Variants in DRC9 observed in about 807,000 individuals in gnomAD.
The protein encoded by DRC9 is dynein regulatory complex protein 9.
At chr3:197,950,224 G>A in the DRC9 span, 1 of 1,231,304 alleles carries the variant, frequency 8.1e-7, no homozygotes, top group Non-Finnish European at 1.0e-6. Flanking sequence ...CTGTGGAGGT[G>A]AGTGAAGGGT....
chr3:197,892,912 T>C, the DRC9 span, among the ~76,000 whole-genome samples: 1 of 152,114 alleles, frequency 6.6e-6, no homozygotes, highest in Middle Eastern at 3.2e-3. Context: ...AGAGTTGGAT[T>C]TCTGATTGGG....
chr3:197,943,994 C>T, the DRC9 span: 2 of 1,614,128 alleles, frequency 1.2e-6, no homozygotes, highest in African/African-American at 2.7e-5. Context: ...CTGTCACTGA[C>T]ACCGTCATCT....
the DRC9 span, chr3:197,938,597 T>C: frequency 6.2e-7 from 1 of 1,614,208 alleles, no homozygotes; most frequent in Middle Eastern, 1.6e-4. Context: ...ATGGTCTGCC[T>C]TGTAGGTTTT....
chr3:197,936,909 G>A, the DRC9 span, among the ~76,000 whole-genome samples: 1 of 152,138 alleles, frequency 6.6e-6, no homozygotes, highest in Non-Finnish European at 1.5e-5. Flanking sequence ...TGCAGATCTG[G>A]GCCAGGCTGA....
chr3:197,909,075 G>A, the DRC9 span, among the ~76,000 whole-genome samples: 9 of 152,206 alleles, frequency 5.9e-5, no homozygotes, highest in Non-Finnish European at 1.0e-4. Context: ...AGTTTCATCC[G>A]AATCTGAGCA....
the DRC9 span, chr3:197,950,201 G>T: frequency 8.1e-7 from 1 of 1,231,476 alleles, no homozygotes; most frequent in Non-Finnish European, 1.0e-6. Context: ...TTCTCTTACC[G>T]CCATCTTGGC....
At chr3:197,952,164 T>TG in the DRC9 span, among the ~76,000 whole-genome samples, 89 of 74,180 alleles carry the variant, frequency 1.2e-3, no homozygotes, top group East Asian at 0.018. Flanking sequence ...AATTATGGGT[T>TG]TTTTTTTTTT....
the DRC9 span, among the ~76,000 whole-genome samples, chr3:197,949,135 A>G: frequency 2.6e-5 from 4 of 152,030 alleles, no homozygotes; most frequent in African/African-American, 4.8e-5. Flanking sequence ...CGTGTCATCT[A>G]TTTTTACTTG....
At chr3:197,927,740 C>T in the DRC9 span, among the ~76,000 whole-genome samples, 1 of 152,062 alleles carries the variant, frequency 6.6e-6, no homozygotes, top group African/African-American at 2.4e-5. Flanking sequence ...TAAAAGTGCC[C>T]ATTTTACACA....
the DRC9 span, among the ~76,000 whole-genome samples, chr3:197,893,610 G>A: frequency 0.025 from 3,850 of 151,742 alleles, 77 homozygotes; most frequent in Non-Finnish European, 0.036. Flanking sequence ...TTGGGAGGCC[G>A]AGGTGGGCAG....
At chr3:197,941,339 C>A in the DRC9 span, among the ~76,000 whole-genome samples, 1 of 87,148 alleles carries the variant, frequency 1.1e-5, no homozygotes, top group African/African-American at 9.5e-5. Context: ...TCTCTCTCTC[C>A]CCTCTGTCTC....
chr3:197,944,168 G>C, the DRC9 span: 1 of 857,352 alleles, frequency 1.2e-6, no homozygotes, highest in Non-Finnish European at 1.8e-6. Flanking sequence ...TCGTATAATA[G>C]AACCTAGATG....
the DRC9 span, among the ~76,000 whole-genome samples, chr3:197,942,117 T>C: frequency 1.3e-5 from 2 of 152,040 alleles, no homozygotes; most frequent in Non-Finnish European, 2.9e-5. Flanking sequence ...AAAACTCCAT[T>C]ACAACTTACA....
At chr3:197,946,617 T>TAAATTTGTCCACAATAAAC in the DRC9 span, among the ~76,000 whole-genome samples, 1 of 151,824 alleles carries the variant, frequency 6.6e-6, no homozygotes, top group African/African-American at 2.4e-5. Context: ...GAGTTTCCAA[T>TAAATTTGTCCACAATAAAC]GTAAATTTGT....
the DRC9 span, chr3:197,950,204 A>C: frequency 1.6e-6 from 2 of 1,231,462 alleles, no homozygotes; most frequent in Non-Finnish European, 2.0e-6. Flanking sequence ...TCTTACCGCC[A>C]TCTTGGCTCC....
the DRC9 span, chr3:197,954,483 G>A: frequency 3.2e-4 from 120 of 372,608 alleles, 1 homozygote; most frequent in African/African-American, 2.1e-3. Context: ...ATAGGCGTGT[G>A]CCACCACACC....
At chr3:197,898,566 C>T in the DRC9 span, among the ~76,000 whole-genome samples, 15 of 152,152 alleles carry the variant, frequency 9.9e-5, no homozygotes, top group African/African-American at 3.1e-4. Flanking sequence ...AAAGGCATAT[C>T]GGAGACTGGG....
the DRC9 span, chr3:197,913,025 G>C: frequency 7.0e-3 from 2,664 of 381,086 alleles, 66 homozygotes; most frequent in African/African-American, 0.05. Context: ...AGGGCACAAG[G>C]CTGTGGGGCT....
At chr3:197,903,492 C>T in the DRC9 span, among the ~76,000 whole-genome samples, 24 of 152,044 alleles carry the variant, frequency 1.6e-4, no homozygotes, top group Non-Finnish European at 1.5e-4. Context: ...AAAAATTAGC[C>T]GGGCATGGCA....
Sources: allele counts gnomAD v4.1 joint callset (sites outside exome capture counted in the v4.1 genomes callset), GRCh38; gene constraint gnomAD v4.1.1; transcripts MANE v1.5; gene names NCBI Gene and HGNC (gene_info 2026-07-23, HGNC 2026-07-21).